The following CEP112 variants were observed in gnomAD, a reference collection of about 807,000 sequenced individuals.
CEP112 encodes centrosomal protein of 112 kDa.
In CEP112, 127 loss-of-function variants were observed where a neutral mutation model predicts 153.0. The ratio of observed to expected loss-of-function variants is 0.83; its 90% CI spans 0.72 to 0.96. The LOEUF is 0.96. Ranked by LOEUF, CEP112 falls within the 40% of genes least tolerant of loss-of-function variation. The probability of loss-of-function intolerance (pLI) is 0.00; values close to 1 mark genes in which losing one functional copy is unlikely to be tolerated. For synonymous variants in CEP112, 358 were observed against 374.4 expected (o/e 0.96, Z 0.51); for missense variants, 1,089 against 1,101.2 (o/e 0.99, Z 0.16).
chr17:65,701,609 T>A (rs999845732), intron 23 of CEP112, among the ~76,000 whole-genome samples: 6 of 152,132 alleles, frequency 3.9e-5, no homozygotes, highest in African/African-American at 1.4e-4. Context: ...CCTATACTCA[T>A]CTCCATACCC....
At chr17:66,147,165 CA>C (rs1253406297) in intron 4 of CEP112, among the ~76,000 whole-genome samples, 1 of 145,606 alleles carries the variant, frequency 6.9e-6, no homozygotes, top group African/African-American at 2.4e-5. Flanking sequence ...ACATTCTCAC[CA>C]ACACTTTTTT....
At chr17:66,158,468 C>A (rs899247216) in intron 4 of CEP112, among the ~76,000 whole-genome samples, 1 of 151,834 alleles carries the variant, frequency 6.6e-6, no homozygotes, top group African/African-American at 2.4e-5. Flanking sequence ...AAAAATGAGC[C>A]GGGCGTGGTG....
At chr17:66,022,112 A>G (rs186987564) in intron 16 of CEP112, among the ~76,000 whole-genome samples, 1 of 152,316 alleles carries the variant, frequency 6.6e-6, no homozygotes, top group East Asian at 1.9e-4. Context: ...GTACACCACT[A>G]CTACAACCAG....
intron 8 of CEP112, among the ~76,000 whole-genome samples, chr17:66,086,731 G>C (rs1416971663): frequency 6.6e-6 from 1 of 151,288 alleles, no homozygotes; most frequent in Admixed American, 6.6e-5. Flanking sequence ...TATGTTTATA[G>C]AACACATAGA....
chr17:66,091,351 AC>A (rs1207707914), intron 8 of CEP112, among the ~76,000 whole-genome samples: 2 of 152,140 alleles, frequency 1.3e-5, no homozygotes, highest in Non-Finnish European at 2.9e-5. Context: ...ATCTTTTCTG[AC>A]CACATGTTTA....
At chr17:65,776,102 T>C (rs1455134907) in intron 21 of CEP112, among the ~76,000 whole-genome samples, 1 of 152,174 alleles carries the variant, frequency 6.6e-6, no homozygotes, top group Non-Finnish European at 1.5e-5. Flanking sequence ...TCGCTGGACT[T>C]CTACTTCACA....
At chr17:66,027,906 G>T (rs2065285804) in intron 15 of CEP112, among the ~76,000 whole-genome samples, 1 of 151,872 alleles carries the variant, frequency 6.6e-6, no homozygotes, top group South Asian at 2.1e-4. Flanking sequence ...GGTATTTTTT[G>T]ATCACGAGAG....
At chr17:65,935,318 A>G (rs753047524) in intron 18 of CEP112, among the ~76,000 whole-genome samples, 19 of 152,356 alleles carry the variant, frequency 1.2e-4, no homozygotes, top group African/African-American at 3.8e-4. Flanking sequence ...TAATACAATA[A>G]CAGGAGAGAA....
intron 23 of CEP112, among the ~76,000 whole-genome samples, chr17:65,736,928 A>T (rs1343908997): frequency 1.3e-5 from 2 of 152,198 alleles, no homozygotes; most frequent in African/African-American, 4.8e-5. Context: ...GCCTGGAGTC[A>T]AACCCAGTCA....
intron 21 of CEP112, among the ~76,000 whole-genome samples, chr17:65,802,095 T>C (rs1056216278): frequency 3.9e-5 from 6 of 152,214 alleles, no homozygotes; most frequent in African/African-American, 9.7e-5. Flanking sequence ...AAAGTCTGTG[T>C]TCTTTGTCAT....
chr17:66,107,026 A>G (rs1234613663), intron 6 of CEP112, among the ~76,000 whole-genome samples: 1 of 152,180 alleles, frequency 6.6e-6, no homozygotes, highest in Non-Finnish European at 1.5e-5. Context: ...TCATAACAAC[A>G]CAATGAAGGG....
intron 16 of CEP112, among the ~76,000 whole-genome samples, chr17:66,009,538 C>T (rs887558029): frequency 2.7e-4 from 41 of 152,128 alleles, no homozygotes; most frequent in African/African-American, 9.9e-4. Flanking sequence ...ATCTTTGCCA[C>T]TTTGTATATC....
At chr17:66,105,431 C>T (rs1197454820) in intron 6 of CEP112, among the ~76,000 whole-genome samples, 1 of 152,152 alleles carries the variant, frequency 6.6e-6, no homozygotes, top group African/African-American at 2.4e-5. Flanking sequence ...TAAGTCCTTA[C>T]TTATCAATAA....
intron 19 of CEP112, among the ~76,000 whole-genome samples, chr17:65,911,261 T>C (rs2060272608): frequency 6.6e-6 from 1 of 152,204 alleles, no homozygotes; most frequent in African/African-American, 2.4e-5. Flanking sequence ...GCTAAGTTTA[T>C]ATAACTGTGA....
chr17:65,780,769 T>C (rs2145621778), intron 21 of CEP112, among the ~76,000 whole-genome samples: 1 of 152,234 alleles, frequency 6.6e-6, no homozygotes, highest in South Asian at 2.1e-4. Flanking sequence ...ATGTCAAATT[T>C]TGACTTCAAA....
chr17:65,735,380 C>CTTCA (rs1228325609), intron 23 of CEP112, among the ~76,000 whole-genome samples: 5 of 152,160 alleles, frequency 3.3e-5, no homozygotes, highest in African/African-American at 1.2e-4. Context: ...AGCCATCCTA[C>CTTCA]TTCAGTATGC....
At position 66,164,486 on chromosome 17, in the gene CEP112, G is replaced by A. The variant is rs2071845924; in HGVS notation, c.470+10558C>T. Among the ~76,000 whole-genome samples the A allele has an allele frequency of 2.0e-5, 3 of 149,886 alleles. No homozygotes were observed. The Admixed American group carries it at 2.0e-4, about 10-fold the overall frequency. The stretch of plus-strand genomic sequence containing the variant: ...GGCAGGAGAATCACTGAACCCAGGA[G>A]GCAGAGGTTGCAGTGAGGGGAGATC... On this transcript the variant is annotated intron_variant, in intron 4 of 26. Coordinates refer to ENST00000535342, the MANE Select transcript of CEP112 (RefSeq NM_001199165.4).
chr17:66,086,380 CTTTTTTTTTTTTTTTTTTTTTTTT>C (rs71160531), intron 8 of CEP112, among the ~76,000 whole-genome samples: 3 of 67,026 alleles, frequency 4.5e-5, no homozygotes, highest in Non-Finnish European at 7.6e-5. Flanking sequence ...ATTTTCTTTT[CTTTTTTTTTTTTTTTTTTTTTTTT>C]TTTTTTTTTT....
intron 24 of CEP112, among the ~76,000 whole-genome samples, chr17:65,681,086 T>C (rs2047498636): frequency 6.6e-6 from 1 of 152,094 alleles, no homozygotes. Flanking sequence ...AAGTGGGACA[T>C]CAGGTGGGCA....
Sources: gnomAD v4.1 joint callset for allele counts (sites outside exome capture counted in the v4.1 genomes callset) on GRCh38, gnomAD v4.1.1 for gene constraint, MANE v1.5 for transcripts, NCBI Gene and HGNC (gene_info 2026-07-23, HGNC 2026-07-21) for gene names.